PDE1B: variants seen among roughly 807,000 people sequenced by gnomAD.
The protein encoded by PDE1B is phosphodiesterase 1B, also known as dual specificity calcium/calmodulin-dependent 3',5'-cyclic nucleotide phosphodiesterase 1B.
In PDE1B, 13 loss-of-function variants were observed where a neutral mutation model predicts 66.7. That is an observed-to-expected ratio of 0.19 (90% CI 0.13 to 0.31). The LOEUF (loss-of-function observed/expected upper bound fraction) is 0.31. Ranked by LOEUF, PDE1B falls within the 10% of genes least tolerant of loss-of-function variation. The pLI, the probability that PDE1B is intolerant of heterozygous loss-of-function variation, is 1.00. For missense variants in PDE1B, 485 were observed against 682.3 expected (o/e 0.71, Z 3.22); for synonymous variants, 230 against 253.9 (o/e 0.91, Z 0.90).
At chr12:54,550,185 G>A (rs1957255855) in intron 2 of PDE1B, 200 bp downstream of exon 2, 1 of 1,412,144 alleles carries the variant, frequency 7.1e-7, no homozygotes, top group African/African-American at 1.4e-5. Context: ...GCCAGTTGGA[G>A]CGGGCTTAGG....
In PDE1B at chr12:54,576,387, A is replaced by C. The variant is rs1957746519; in HGVS notation, c.1377-184A>C. The C allele has an allele frequency of 6.1e-6, 4 of 653,266 alleles. No individual in the cohort carries two copies. In the East Asian group the frequency reaches 1.1e-4, roughly 18 times the overall value. The allele number at this position is 653,266 out of a possible 1,614,324, so 40.5% of individuals were successfully genotyped here. A position where few individuals can be genotyped will look rare whatever the true frequency, so the allele number is the denominator to read the frequency against. On this transcript the variant is annotated intron_variant, in intron 13 of 15. Coordinates refer to ENST00000243052, the MANE Select transcript of PDE1B (RefSeq NM_000924.4). ...CCTTCTACCAGGAGGGAAGATGTGGAGAGGGAGGGGTGAAATGAGGGGGAG... is the reference window on the plus strand; with the variant it reads ...CCTTCTACCAGGAGGGAAGATGTGGCGAGGGAGGGGTGAAATGAGGGGGAG...
chr12:54,575,262 T>G lies in PDE1B; in HGVS notation c.1185+44T>G. On this transcript the variant is annotated intron_variant, in intron 11 of 15. Transcript: ENST00000243052. This position sits in a 1 kb window ranked among gnomAD's most constrained non-coding sequence, Gnocchi z 4.0. ...CTTCCCTGTGCCTATGGGGGCCTTC[T>G]CTCCCCTTTTGCCCTCCAAGTTCCC... 6.3e-7 allele frequency: 1 copy of G among 1,580,640 alleles called. No homozygotes were observed. Among genetic ancestry groups the G allele is most frequent in the Non-Finnish European group, 8.7e-7 (1 of 1,151,026 alleles).
rs56360853 is a variant in PDE1B at position 54,568,467 on chromosome 12, TACACACACACACACACAC to T, written c.228-690_228-673del. ...GATAAAGTGAGACCCTGTCTAAAAA[TACACACACACACACACAC>T]ACACACACACACACACACACACACA... On this transcript the variant is annotated intron_variant, in intron 3 of 15. Transcript: ENST00000243052. 2.5e-3 allele frequency among the ~76,000 whole-genome samples: 358 copies of T among 143,478 alleles called. 2 individuals are homozygous for T. The highest frequency in any genetic ancestry group is 4.4e-3 in the Non-Finnish European group (296 of 66,632). 94.1% of individuals were successfully genotyped at this position (143,478 alleles called of 152,430 possible). A position where few individuals can be genotyped will look rare whatever the true frequency, so the allele number is the denominator to read the frequency against.
chr12:54,567,145 G>C (rs532655414), intron 3 of PDE1B, 58 bp downstream of exon 3: 1 of 871,628 alleles, frequency 1.1e-6, no homozygotes, highest in African/African-American at 1.7e-5. Context: ...GTTCCAGAGA[G>C]AGGGGTTAAG....
chr12:54,551,484 A>T (rs1379430817), intron 2 of PDE1B, among the ~76,000 whole-genome samples: 1 of 152,200 alleles, frequency 6.6e-6, no homozygotes, highest in Non-Finnish European at 1.5e-5. Flanking sequence ...TCTTGATAGA[A>T]AATGACGCTG....
chr12:54,565,716 A>G (rs978559327), intron 2 of PDE1B, among the ~76,000 whole-genome samples: 1 of 152,088 alleles, frequency 6.6e-6, no homozygotes, highest in Admixed American at 6.5e-5. Flanking sequence ...CAGGATTGCT[A>G]GGCCCTGAGG....
In PDE1B at chr12:54,578,678, AAT is replaced by A. The variant is rs1431159700; in HGVS notation, c.*837_*838del. 2.0e-5 allele frequency: 3 copies of A among 152,294 alleles called. No homozygotes were observed. The highest frequency in any genetic ancestry group is 2.1e-4 in the South Asian group (1 of 4,822). 9.4% of individuals were successfully genotyped at this position (152,294 alleles called of 1,614,324 possible). Reference sequence around the variant, plus strand: ...TGGGGCTGGGAGGCTCCATCCGACCAATGTCTGTAAAGTGCTTTGAGGATCTC... The same window carrying A: ...TGGGGCTGGGAGGCTCCATCCGACCAGTCTGTAAAGTGCTTTGAGGATCTC... On this transcript the variant is annotated 3_prime_UTR_variant, in exon 16 of 16. Transcript: ENST00000243052.
chr12:54,553,658 G>A (rs1019373396), intron 2 of PDE1B, among the ~76,000 whole-genome samples: 4 of 152,216 alleles, frequency 2.6e-5, no homozygotes, highest in Admixed American at 1.3e-4. Context: ...TCTGTGGTGC[G>A]TGTATACCTC....
chr12:54,577,062 G>A (rs61923506), intron 14 of PDE1B, 163 bp from the exon 15 acceptor site: 1 of 675,742 alleles, frequency 1.5e-6, no homozygotes, highest in Non-Finnish European at 2.5e-6. Context: ...CTGAGTTTTA[G>A]CAAGGCTGGA....
chr12:54,579,085 A>G lies in PDE1B; in HGVS notation c.*1243A>G. On this transcript the variant is annotated 3_prime_UTR_variant, in exon 16 of 16. Transcript: ENST00000243052. ...TGCATTTGTACAGTGGGCCCTGTTCATGCGAAATCCACATCCATGGTCTCC... is the reference window on the plus strand; with the variant it reads ...TGCATTTGTACAGTGGGCCCTGTTCGTGCGAAATCCACATCCATGGTCTCC... 1 of 179,172 alleles carries G rather than the reference A, an allele frequency of 5.6e-6. No individual in the cohort carries two copies. The highest frequency in any genetic ancestry group is 1.1e-5 in the Non-Finnish European group (1 of 92,730). 11.1% of individuals were successfully genotyped at this position (179,172 alleles called of 1,614,324 possible).
chr12:54,551,062 G>C (rs1384362640), intron 2 of PDE1B, among the ~76,000 whole-genome samples: 1 of 152,182 alleles, frequency 6.6e-6, no homozygotes, highest in Non-Finnish European at 1.5e-5. Context: ...GTTTAGAGAG[G>C]AAACACAGTA....
chr12:54,570,116 C>T (rs1957590975), intron 5 of PDE1B, 125 bp from the exon 6 acceptor site: 1 of 669,990 alleles, frequency 1.5e-6, no homozygotes, highest in East Asian at 2.7e-5. Flanking sequence ...AAGAAAGAGG[C>T]ACACTTTACC....
At chr12:54,568,651 C>T (rs1592378827) in intron 3 of PDE1B, among the ~76,000 whole-genome samples, 1 of 152,148 alleles carries the variant, frequency 6.6e-6, no homozygotes, top group East Asian at 1.9e-4. Flanking sequence ...TCAAGACCAG[C>T]CTGGCGTGGT....
chr12:54,551,250 G>A (rs894563145), intron 2 of PDE1B, among the ~76,000 whole-genome samples: 13 of 152,274 alleles, frequency 8.5e-5, no homozygotes, highest in African/African-American at 2.9e-4. Flanking sequence ...ATGGCAGATG[G>A]GTCTGATTTA....
chr12:54,566,889 G>A, intron 2 of PDE1B, 85 bp from the exon 3 acceptor site: 2 of 581,870 alleles, frequency 3.4e-6, no homozygotes, highest in Non-Finnish European at 6.1e-6. Context: ...GGATGTTTCT[G>A]TAAAATGTAC....
intron 2 of PDE1B, among the ~76,000 whole-genome samples, chr12:54,555,980 C>T (rs1352826923): frequency 6.6e-6 from 1 of 152,156 alleles, no homozygotes; most frequent in Non-Finnish European, 1.5e-5. Flanking sequence ...ACAGGATAAG[C>T]TTGCTATAGG....
intron 2 of PDE1B, among the ~76,000 whole-genome samples, chr12:54,553,453 T>C (rs1270046793): frequency 6.6e-6 from 1 of 152,226 alleles, no homozygotes; most frequent in Non-Finnish European, 1.5e-5. Flanking sequence ...TTCTATGCTG[T>C]GGTTCAAGGT....
At chr12:54,555,973 G>A (rs943033944) in intron 2 of PDE1B, among the ~76,000 whole-genome samples, 3 of 152,168 alleles carry the variant, frequency 2.0e-5, no homozygotes, top group Non-Finnish European at 4.4e-5. Flanking sequence ...TGATGGTACA[G>A]GATAAGCTTG....
At chr12:54,554,933 T>C (rs1424641775) in intron 2 of PDE1B, among the ~76,000 whole-genome samples, 1 of 152,136 alleles carries the variant, frequency 6.6e-6, no homozygotes, top group Non-Finnish European at 1.5e-5. Context: ...AACTATTGGC[T>C]GGGATGAGGG....
Sources: gnomAD v4.1 joint callset for allele counts (sites outside exome capture counted in the v4.1 genomes callset) on GRCh38, gnomAD v4.1.1 for gene constraint, Gnocchi (gnomAD v3.1) non-coding constraint, MANE v1.5 for transcripts, NCBI Gene and HGNC (gene_info 2026-07-23, HGNC 2026-07-21) for gene names.